The following CEP128 variants were observed in gnomAD, a reference collection of about 807,000 sequenced individuals.
The protein encoded by CEP128 is centrosomal protein 128.
In CEP128, 132 loss-of-function variants were observed where a neutral mutation model predicts 156.7. The observed-to-expected ratio is 0.84, with a 90% CI of 0.73 to 0.97. CEP128 has a LOEUF of 0.97. Ranked by LOEUF, CEP128 falls within the 50% of genes least tolerant of loss-of-function variation. The pLI, the probability that CEP128 is intolerant of heterozygous loss-of-function variation, is 0.00. For synonymous variants in CEP128, 469 were observed against 448.9 expected (o/e 1.04, Z -0.57); for missense variants, 1,252 against 1,281.9 (o/e 0.98, Z 0.36).
At chr14:80,923,721 T>C (rs1233566914) in intron 2 of CEP128, among the ~76,000 whole-genome samples, 1 of 152,200 alleles carries the variant, frequency 6.6e-6, no homozygotes, top group African/African-American at 2.4e-5. Context: ...TACTTTACAC[T>C]TAATCATTAA....
intron 19 of CEP128, among the ~76,000 whole-genome samples, chr14:80,592,216 G>A (rs1475819044): frequency 1.3e-5 from 2 of 152,130 alleles, no homozygotes; most frequent in Non-Finnish European, 2.9e-5. Flanking sequence ...ATGAATCCAG[G>A]AGCTGGTTTT....
At chr14:80,651,808 G>T (rs1894915928) in intron 19 of CEP128, among the ~76,000 whole-genome samples, 1 of 152,014 alleles carries the variant, frequency 6.6e-6, no homozygotes, top group African/African-American at 2.4e-5. Flanking sequence ...CCATTCTTTT[G>T]CATTGGCTGA....
intron 7 of CEP128, among the ~76,000 whole-genome samples, chr14:80,896,755 T>G (rs1234120438): frequency 6.6e-6 from 1 of 152,184 alleles, no homozygotes; most frequent in African/African-American, 2.4e-5. Flanking sequence ...ACTTATCACA[T>G]CATTGATATT....
intron 19 of CEP128, among the ~76,000 whole-genome samples, chr14:80,726,293 A>G (rs544337701): frequency 1.3e-5 from 2 of 152,274 alleles, no homozygotes; most frequent in East Asian, 3.9e-4. Context: ...ATTCCCTCAG[A>G]GTATTTATAG....
intron 20 of CEP128, among the ~76,000 whole-genome samples, chr14:80,577,181 T>C (rs973362079): frequency 1.4e-4 from 22 of 152,174 alleles, no homozygotes; most frequent in Non-Finnish European, 1.9e-4. Flanking sequence ...TGGTGTTTCC[T>C]AGGGTTCTGG....
At chr14:80,954,158 T>C (rs1175483642) in intron 2 of CEP128, among the ~76,000 whole-genome samples, 1 of 151,896 alleles carries the variant, frequency 6.6e-6, no homozygotes, top group African/African-American at 2.4e-5. Flanking sequence ...TAGTCCCAGC[T>C]ACTCGGGAGG....
chr14:80,586,599 C>G (rs554554633), intron 19 of CEP128, among the ~76,000 whole-genome samples: 1 of 152,062 alleles, frequency 6.6e-6, no homozygotes, highest in Non-Finnish European at 1.5e-5. Flanking sequence ...CAAAAGAAAA[C>G]TTCATTAAAG....
intron 20 of CEP128, among the ~76,000 whole-genome samples, chr14:80,566,434 T>C (rs149929221): frequency 6.6e-6 from 1 of 152,280 alleles, no homozygotes; most frequent in East Asian, 1.9e-4. Flanking sequence ...AACTTTAAGA[T>C]AATGAAAAGG....
In CEP128 at chr14:80,719,843, G is replaced by A. The variant is rs548441618; in HGVS notation, c.2806+23232C>T. 6.6e-5 allele frequency among the ~76,000 whole-genome samples: 10 copies of A among 152,238 alleles called. No homozygotes were observed. The East Asian group carries it at 9.6e-4, about 15-fold the overall frequency. Reference sequence around the variant, plus strand: ...CAACACATAGTAACTGTGCACCACCGCAGCAAGGATAACAGATATGGTCCC... The same window carrying A: ...CAACACATAGTAACTGTGCACCACCACAGCAAGGATAACAGATATGGTCCC... On this transcript the variant is annotated intron_variant, in intron 19 of 24. Coordinates refer to ENST00000555265, the MANE Select transcript of CEP128 (RefSeq NM_152446.5).
chr14:80,857,715 C>A (rs1405034496), intron 9 of CEP128, among the ~76,000 whole-genome samples: 1 of 142,438 alleles, frequency 7.0e-6, no homozygotes, highest in Non-Finnish European at 1.5e-5. Flanking sequence ...CACTCCTGGG[C>A]AACAGAGTGA....
intron 13 of CEP128, among the ~76,000 whole-genome samples, chr14:80,829,284 C>T (rs1355149574): frequency 1.3e-5 from 2 of 152,148 alleles, no homozygotes; most frequent in Non-Finnish European, 2.9e-5. Context: ...TAATGTCTTA[C>T]AGGGATAAAC....
chr14:80,856,446 A>C (rs1887162142), intron 9 of CEP128, among the ~76,000 whole-genome samples: 1 of 152,086 alleles, frequency 6.6e-6, no homozygotes, highest in Non-Finnish European at 1.5e-5. Context: ...AGAGTCTGAG[A>C]CCACTCTGGG....
At chr14:80,714,299 A>AAGACACACACATAC (rs1206308465) in intron 19 of CEP128, among the ~76,000 whole-genome samples, 2 of 152,012 alleles carry the variant, frequency 1.3e-5, no homozygotes, top group Non-Finnish European at 2.9e-5. Flanking sequence ...TTCAAGGCAA[A>AAGACACACACATAC]ACACACACAC....
chr14:80,693,178 C>G (rs1224082522), intron 19 of CEP128, among the ~76,000 whole-genome samples: 1 of 152,094 alleles, frequency 6.6e-6, no homozygotes, highest in Non-Finnish European at 1.5e-5. Context: ...GCCTACAGAC[C>G]AATACCTTGA....
intron 14 of CEP128, among the ~76,000 whole-genome samples, chr14:80,792,189 T>G (rs1901743077): frequency 6.6e-6 from 1 of 152,208 alleles, no homozygotes. Flanking sequence ...TGCGTTTTGT[T>G]GCTATCAAAA....
At chr14:80,934,141 G>T (rs1184262685) in intron 2 of CEP128, among the ~76,000 whole-genome samples, 1 of 152,146 alleles carries the variant, frequency 6.6e-6, no homozygotes, top group African/African-American at 2.4e-5. Flanking sequence ...CCCACCCTCT[G>T]CAGTTAATTC....
At chr14:80,907,601 T>C (rs1883958563) in intron 4 of CEP128, among the ~76,000 whole-genome samples, 2 of 143,198 alleles carry the variant, frequency 1.4e-5, no homozygotes, top group South Asian at 4.3e-4. Flanking sequence ...GAGGTTGCAG[T>C]CAGCTGAGAT....
At chr14:80,867,256 G>C (rs991039616) in intron 8 of CEP128, among the ~76,000 whole-genome samples, 8 of 152,124 alleles carry the variant, frequency 5.3e-5, no homozygotes, top group Admixed American at 3.9e-4. Context: ...TGTGTCTATG[G>C]CATGGATATA....
At chr14:80,598,765 A>T in intron 19 of CEP128, among the ~76,000 whole-genome samples, 1 of 152,198 alleles carries the variant, frequency 6.6e-6, no homozygotes, top group Non-Finnish European at 1.5e-5. Flanking sequence ...TGGTGGAGGG[A>T]TATGCTCATA....
Sources: gnomAD v4.1 joint callset for allele counts (sites outside exome capture counted in the v4.1 genomes callset) on GRCh38, gnomAD v4.1.1 for gene constraint, MANE v1.5 for transcripts, NCBI Gene and HGNC (gene_info 2026-07-23, HGNC 2026-07-21) for gene names.